ENOX1: variants seen among roughly 807,000 people sequenced by gnomAD.
ENOX1 encodes the protein candidate growth-related and time keeping constitutive hydroquinone (NADH) oxidase.
Under a neutral mutation model 82.5 loss-of-function variants are expected in ENOX1, and 42 were observed. The ratio of observed to expected loss-of-function variants is 0.51; its 90% CI spans 0.40 to 0.66. ENOX1 has a LOEUF of 0.66. ENOX1 is among the 30% of genes least tolerant of loss of function. The pLI is 0.00. For missense variants in ENOX1, 608 were observed against 811.6 expected, an observed-to-expected ratio of 0.75 and a Z score of 3.05; for synonymous variants, 271 against 282.2, an observed-to-expected ratio of 0.96 and a Z score of 0.40.
chr13:43,293,505 C>T (rs1403116261), intron 12 of ENOX1, among the ~76,000 whole-genome samples: 1 of 152,120 alleles, frequency 6.6e-6, no homozygotes, highest in Non-Finnish European at 1.5e-5. Context: ...CAACCATCAC[C>T]TCCACAGTCC....
At chr13:43,408,288 G>A (rs1356344292) in intron 5 of ENOX1, among the ~76,000 whole-genome samples, 1 of 152,176 alleles carries the variant, frequency 6.6e-6, no homozygotes, top group Non-Finnish European at 1.5e-5. Flanking sequence ...TTGCTTTACT[G>A]ATAATTTTAA....
At chr13:43,454,720 C>T (rs113181897) in intron 3 of ENOX1, among the ~76,000 whole-genome samples, 43 of 152,066 alleles carry the variant, frequency 2.8e-4, no homozygotes, top group African/African-American at 9.9e-4. Context: ...AGTATGCGTT[C>T]GATGTTGTTC....
chr13:43,395,603 T>C (rs780490258), intron 5 of ENOX1, among the ~76,000 whole-genome samples: 1 of 152,220 alleles, frequency 6.6e-6, no homozygotes, highest in Non-Finnish European at 1.5e-5. Flanking sequence ...TCCACTAACA[T>C]TGAGTTGGTG....
intron 12 of ENOX1, among the ~76,000 whole-genome samples, chr13:43,289,051 T>G (rs1362478719): frequency 6.6e-6 from 1 of 152,086 alleles, no homozygotes; most frequent in Non-Finnish European, 1.5e-5. Context: ...TATGAAACAC[T>G]GCTAAAACAA....
chr13:43,719,479 A>G (rs1291967993), intron 1 of ENOX1, among the ~76,000 whole-genome samples: 2 of 152,080 alleles, frequency 1.3e-5, no homozygotes, highest in Admixed American at 6.6e-5. Flanking sequence ...CCCCTGAATC[A>G]TCTACATCCC....
intron 2 of ENOX1, among the ~76,000 whole-genome samples, chr13:43,650,511 G>C (rs2084109457): frequency 6.6e-6 from 1 of 152,076 alleles, no homozygotes; most frequent in Non-Finnish European, 1.5e-5. Flanking sequence ...GGTCAGGGGA[G>C]GTACCTAGAA....
intron 11 of ENOX1, among the ~76,000 whole-genome samples, chr13:43,318,641 G>A (rs114265796): frequency 3.3e-5 from 5 of 152,188 alleles, no homozygotes; most frequent in East Asian, 1.9e-4. Flanking sequence ...TGGGACAAAG[G>A]CATCGAAAAC....
At chr13:43,361,167 C>T in intron 6 of ENOX1, 112 bp downstream of exon 6, 5 of 1,114,078 alleles carry the variant, frequency 4.5e-6, no homozygotes, top group South Asian at 1.5e-5. Context: ...AACGGATCCC[C>T]ACTCTGTGCA....
chr13:43,716,019 G>A (rs11618525), intron 1 of ENOX1, among the ~76,000 whole-genome samples: 93 of 152,232 alleles, frequency 6.1e-4, no homozygotes, highest in Middle Eastern at 6.8e-3. Context: ...CCTGTAGCTC[G>A]GAATAGTTTG....
chr13:43,717,242 T>C (rs1346034066), intron 1 of ENOX1, among the ~76,000 whole-genome samples: 1 of 152,018 alleles, frequency 6.6e-6, no homozygotes. Context: ...AACCTGCATA[T>C]CTACAACCAT....
chr13:43,409,099 ATAAT>A (rs1394229788), intron 5 of ENOX1, among the ~76,000 whole-genome samples: 1 of 151,994 alleles, frequency 6.6e-6, no homozygotes, highest in Admixed American at 6.6e-5. Flanking sequence ...CAGTGTGAGA[ATAAT>A]TATTTACAAA....
At chr13:43,265,367 G>A in intron 14 of ENOX1, 31 bp downstream of exon 14, 3 of 1,594,818 alleles carry the variant, frequency 1.9e-6, no homozygotes, top group South Asian at 1.1e-5. Flanking sequence ...CGTCAAGCAA[G>A]AAGAACAAAT....
chr13:43,468,571 C>G (rs976499852), intron 3 of ENOX1, among the ~76,000 whole-genome samples: 1 of 151,018 alleles, frequency 6.6e-6, no homozygotes, highest in Non-Finnish European at 1.5e-5. Context: ...AGGAGGATAG[C>G]TTGAGCCCAG....
chr13:43,305,168 T>C (rs1214759241), intron 11 of ENOX1, among the ~76,000 whole-genome samples: 1 of 152,106 alleles, frequency 6.6e-6, no homozygotes, highest in African/African-American at 2.4e-5. Context: ...GAAAGTATCC[T>C]AGGATGACAT....
chr13:43,579,666 C>T (rs1455029617), intron 2 of ENOX1, among the ~76,000 whole-genome samples: 1 of 152,074 alleles, frequency 6.6e-6, no homozygotes, highest in African/African-American at 2.4e-5. Flanking sequence ...TTCTGGGAGA[C>T]AGAACACTGA....
chr13:43,405,061 C>CTTTTTTA (rs1268736199), intron 5 of ENOX1, among the ~76,000 whole-genome samples: 2,028 of 152,280 alleles, frequency 0.013, 38 homozygotes, highest in African/African-American at 0.045. Context: ...AGAAACTTTG[C>CTTTTTTA]TGGTATAAGT....
At chr13:43,246,182 A>C (rs2043071916) in intron 14 of ENOX1, among the ~76,000 whole-genome samples, 1 of 152,266 alleles carries the variant, frequency 6.6e-6, no homozygotes, top group African/African-American at 2.4e-5. Context: ...AAGTCAGGCT[A>C]TTACATTCTT....
At chr13:43,773,242 AGTATAGGATTTCCTTTTGGTG>A (rs1404381769) in intron 1 of ENOX1, among the ~76,000 whole-genome samples, 1 of 152,224 alleles carries the variant, frequency 6.6e-6, no homozygotes, top group Non-Finnish European at 1.5e-5. Context: ...CTGCTTAAGG[AGTATAGGATTTCCTTTTGGTG>A]GCTGCACAAT....
At chr13:43,713,781 G>C (rs867906786) in intron 1 of ENOX1, among the ~76,000 whole-genome samples, 2,186 of 151,248 alleles carry the variant, frequency 0.014, 51 homozygotes, top group African/African-American at 0.049. Flanking sequence ...ATTTTTTATT[G>C]CATCTATTTG....
Sources: gnomAD v4.1 joint callset for allele counts (sites outside exome capture counted in the v4.1 genomes callset) on GRCh38, gnomAD v4.1.1 for gene constraint, MANE v1.5 for transcripts, NCBI Gene and HGNC (gene_info 2026-07-23, HGNC 2026-07-21) for gene names.